Variants in PPP1R1C observed in about 807,000 individuals in gnomAD.
PPP1R1C encodes protein phosphatase 1 regulatory subunit 1C.
PPP1R1C carries 15 observed loss-of-function variants against 17.4 expected under a neutral mutation model. The observed-to-expected ratio is 0.86, with a 90% CI of 0.58 to 1.33. The LOEUF is 1.33. PPP1R1C is among the 40% of genes most tolerant of loss of function. The pLI is 0.00. For synonymous variants in PPP1R1C, 35 were observed against 43.1 expected (o/e 0.81, Z 0.73); for missense variants, 143 against 130.0 (o/e 1.10, Z -0.48).
At chr2:181,995,041 T>A (rs1243885546) in intron 2 of PPP1R1C, among the ~76,000 whole-genome samples, 2 of 152,226 alleles carry the variant, frequency 1.3e-5, no homozygotes, top group Non-Finnish European at 2.9e-5. Context: ...TAAAGCACAA[T>A]GTTACTCTTC....
intron 2 of PPP1R1C, among the ~76,000 whole-genome samples, chr2:182,050,465 C>T (rs1045413428): frequency 6.6e-6 from 1 of 152,162 alleles, no homozygotes; most frequent in Non-Finnish European, 1.5e-5. Flanking sequence ...CTTTTGGATA[C>T]AAAAGTGCTG....
chr2:181,961,059 C>T lies in PPP1R1C; in HGVS notation n.111+6425C>T, dbSNP rs192300640. On this transcript the variant is annotated intron_variant and non_coding_transcript_variant, in intron 1 of 5. Coordinates refer to the PPP1R1C transcript ENST00000464264. This position sits in a 1 kb window ranked among gnomAD's most constrained non-coding sequence, Gnocchi z 5.8. ...GCTGGAGAAATCAGAAGAGGGACAA[C>T]TGCAAAATAAAGGCTGTAACAGGAG... is the stretch of plus-strand genomic sequence containing the variant. 6.6e-6 allele frequency among the ~76,000 whole-genome samples: 1 copy of T among 152,260 alleles called. No individual in the cohort carries two copies. Among genetic ancestry groups the T allele is most frequent in the African/African-American group, 2.4e-5 (1 of 41,552 alleles).
At chr2:182,093,316 G>A (rs1189946612) in intron 4 of PPP1R1C, among the ~76,000 whole-genome samples, 2 of 152,162 alleles carry the variant, frequency 1.3e-5, no homozygotes, top group Non-Finnish European at 2.9e-5. Context: ...GCTGCACACA[G>A]CATGGAGACC....
chr2:182,072,003 C>A (rs891219224), intron 4 of PPP1R1C, among the ~76,000 whole-genome samples: 3 of 152,130 alleles, frequency 2.0e-5, no homozygotes, highest in African/African-American at 7.2e-5. Flanking sequence ...AATTTGAATT[C>A]CTATTTGAGT....
intron 1 of PPP1R1C, among the ~76,000 whole-genome samples, chr2:181,972,192 A>G (rs900534402): frequency 2.6e-5 from 4 of 152,228 alleles, no homozygotes; most frequent in Admixed American, 6.5e-5. Flanking sequence ...AGCCAAATTC[A>G]CTAATGTGGG....
chr2:181,988,846 T>G (rs1041861043), intron 2 of PPP1R1C, among the ~76,000 whole-genome samples: 1 of 152,114 alleles, frequency 6.6e-6, no homozygotes, highest in Non-Finnish European at 1.5e-5. Context: ...TTAGCCCAAA[T>G]CCAAGAAAAT....
chr2:182,055,692 G>A (rs147511286), intron 2 of PPP1R1C, among the ~76,000 whole-genome samples: 1 of 152,232 alleles, frequency 6.6e-6, no homozygotes, highest in East Asian at 1.9e-4. Context: ...GAAGACCGTT[G>A]TGCTGCTTCC....
chr2:182,002,927 A>ACC (rs200353111), intron 2 of PPP1R1C, among the ~76,000 whole-genome samples: 2,588 of 90,008 alleles, frequency 0.029, 115 homozygotes, highest in Non-Finnish European at 0.037. Flanking sequence ...GATGCCATAA[A>ACC]CCTCCCCCCC....
intron 5 of PPP1R1C, among the ~76,000 whole-genome samples, chr2:182,128,434 C>T (rs1559104631): frequency 6.6e-6 from 1 of 151,852 alleles, no homozygotes; most frequent in East Asian, 1.9e-4. Context: ...CCCTCTGACT[C>T]TAAGATCTGT....
chr2:181,982,736 C>T (rs142214075), upstream of PPP1R1C, among the ~76,000 whole-genome samples: 992 of 152,084 alleles, frequency 6.5e-3, 5 homozygotes, highest in South Asian at 0.024. Context: ...AGGTGAACTG[C>T]GGCAGCCTGT....
chr2:182,045,228 T>A lies in PPP1R1C; in HGVS notation c.143-16214T>A, dbSNP rs112046012. 5.9e-5 allele frequency among the ~76,000 whole-genome samples: 9 copies of A among 152,334 alleles called. 3 individuals are homozygous for A. Among genetic ancestry groups the A allele is most frequent in the African/African-American group, 2.2e-4 (9 of 41,572 alleles). On this transcript the variant is annotated intron_variant, in intron 2 of 4. Transcript: ENST00000682840. ...GCAAGAGCTGAAAACAGAATCCAAT[T>A]ACACAGGTATTTAATCCTTCAATCT...
intron 2 of PPP1R1C, among the ~76,000 whole-genome samples, chr2:182,002,153 C>T (rs1407364752): frequency 6.6e-6 from 1 of 151,690 alleles, no homozygotes; most frequent in African/African-American, 2.4e-5. Flanking sequence ...TTCTTCTTAG[C>T]ATTTTTTCCT....
exon 6 of PPP1R1C, chr2:182,129,407 GT>G: frequency 6.6e-6 from 1 of 151,850 alleles, no homozygotes; most frequent in South Asian, 2.1e-4. Flanking sequence ...TTATTGCCTT[GT>G]TTCTTTTTCA....
chr2:182,090,297 G>GTGTGTGTGTGTA (rs915938750), intron 4 of PPP1R1C, among the ~76,000 whole-genome samples: 5 of 151,750 alleles, frequency 3.3e-5, no homozygotes, highest in African/African-American at 1.2e-4. Flanking sequence ...TTCTGTGTGT[G>GTGTGTGTGTGTA]TGTGTGTGTG....
At chr2:182,084,392 G>C (rs1688569472) in intron 4 of PPP1R1C, among the ~76,000 whole-genome samples, 1 of 151,970 alleles carries the variant, frequency 6.6e-6, no homozygotes, top group Non-Finnish European at 1.5e-5. Context: ...AGATTTTTAT[G>C]ATTTCAACTG....
chr2:182,055,199 A>G (rs1687644719), intron 2 of PPP1R1C, among the ~76,000 whole-genome samples: 1 of 152,138 alleles, frequency 6.6e-6, no homozygotes, highest in Non-Finnish European at 1.5e-5. Flanking sequence ...TTATGCATAC[A>G]TACTTATCAC....
intron 1 of PPP1R1C, among the ~76,000 whole-genome samples, chr2:181,971,549 GC>G (rs1403709691): frequency 6.6e-6 from 1 of 152,128 alleles, no homozygotes; most frequent in Non-Finnish European, 1.5e-5. Context: ...GTTGGCACAA[GC>G]ACTCCCTTGG....
chr2:182,078,818 A>C (rs753119771), intron 4 of PPP1R1C, among the ~76,000 whole-genome samples: 37 of 152,244 alleles, frequency 2.4e-4, no homozygotes, highest in Non-Finnish European at 4.4e-4. Flanking sequence ...AATATGTAGC[A>C]GGTGTGTTTT....
intron 3 of PPP1R1C, among the ~76,000 whole-genome samples, chr2:182,063,045 A>G (rs1179116768): frequency 6.6e-6 from 1 of 152,062 alleles, no homozygotes; most frequent in East Asian, 1.9e-4. Context: ...AGGGCTCTGT[A>G]TCCTTATCTG....
Sources: allele counts gnomAD v4.1 joint callset (sites outside exome capture counted in the v4.1 genomes callset), GRCh38; gene constraint gnomAD v4.1.1; non-coding constraint Gnocchi (gnomAD v3.1); transcripts MANE v1.5; gene names NCBI Gene and HGNC (gene_info 2026-07-23, HGNC 2026-07-21).